The following NCAPD3 variants were observed in gnomAD, a reference collection of about 807,000 sequenced individuals.
NCAPD3 encodes condensin-2 complex subunit D3.
In NCAPD3, 105 loss-of-function variants were observed where a neutral mutation model predicts 182.9. That is an observed-to-expected ratio of 0.57 (90% confidence interval 0.49 to 0.68). The LOEUF (loss-of-function observed/expected upper bound fraction) is 0.68, where lower values mean the gene tolerates loss of function less well. NCAPD3 is among the 30% of genes least tolerant of loss of function. NCAPD3 has a pLI of 0.00. For synonymous variants in NCAPD3, 815 were observed against 679.9 expected, an observed-to-expected ratio of 1.20 and a Z score of -3.09; for missense variants, 1,944 against 1,837.0, an observed-to-expected ratio of 1.06 and a Z score of -1.07.
chr11:134,183,397 G>A (rs894479562), intron 19 of NCAPD3, among the ~76,000 whole-genome samples: 11 of 152,162 alleles, frequency 7.2e-5, no homozygotes, highest in Admixed American at 2.0e-4. Flanking sequence ...GTGAAACCCT[G>A]TCTCTACTAA....
intron 13 of NCAPD3, among the ~76,000 whole-genome samples, chr11:134,198,342 T>C (rs1449621502): frequency 6.6e-6 from 1 of 151,970 alleles, no homozygotes; most frequent in South Asian, 2.1e-4. Flanking sequence ...CAGCCAATTT[T>C]CAACAAGAAA....
At chr11:134,213,020 T>C (rs1016457403) in intron 3 of NCAPD3, among the ~76,000 whole-genome samples, 1 of 152,074 alleles carries the variant, frequency 6.6e-6, no homozygotes, top group East Asian at 1.9e-4. Context: ...AAAGCAAACA[T>C]TGTCAGAAAG....
rs1367307079 is a variant in NCAPD3, at chr11:134,184,745, G to A, written c.2343C>T (p.Val781=). Residue 781 remains valine, a synonymous_variant, in exon 19 of 35, where the codon GTC becomes GTT. Transcript: ENST00000534548. ...ACTGAAATCCATTCAGCTTACACTT[G>A]ACAGCATCTATGAAGGAAGTCAAAA... The part of the protein sequence containing the change: ...KSTRDKVTDA[V]KCKLNGFQWS... 6.2e-7 allele frequency: 1 copy of A among 1,612,808 alleles called. No homozygotes were observed. Among genetic ancestry groups the A allele is most frequent in the Non-Finnish European group, 8.5e-7 (1 of 1,179,528 alleles).
In NCAPD3 at chr11:134,161,065, A is replaced by C. The variant is rs1943564088; in HGVS notation, c.3684+716T>G. On this transcript the variant is annotated intron_variant, in intron 28 of 34. Coordinates refer to ENST00000534548, the MANE Select transcript of NCAPD3 (RefSeq NM_015261.3). ...CCTACCTTGGCTTCCTAGTATAAAA[A>C]GCTATTTGAAAATTTATATTCAATG... Among the ~76,000 whole-genome samples the C allele has an allele frequency of 5.3e-5, 8 of 152,238 alleles. No individual in the cohort carries two copies. In the South Asian group the frequency reaches 1.7e-3, roughly 32 times the overall value.
intron 28 of NCAPD3, 102 bp from the exon 29 acceptor site, chr11:134,160,176 C>G (rs548107692): frequency 2.4e-5 from 28 of 1,182,382 alleles, no homozygotes; most frequent in Non-Finnish European, 3.0e-5. Flanking sequence ...ACCTGCACAT[C>G]CTGCACGTGT....
In NCAPD3 at chr11:134,204,817, CCACA is replaced by C; in HGVS notation, c.1089+78_1089+81del. ...CACACTCATTCCCAAGAACAAATAC[CCACA>C]CTCACACACACACACACACATTTAT... On this transcript the variant is annotated intron_variant, in intron 9 of 34. Transcript: ENST00000534548. This position sits in a 1 kb window ranked among gnomAD's most constrained non-coding sequence, Gnocchi z 4.3. 8.8e-7 allele frequency: 1 copy of C among 1,141,990 alleles called. No homozygotes were observed. Among genetic ancestry groups the C allele is most frequent in the Non-Finnish European group, 1.3e-6 (1 of 785,570 alleles). 70.7% of individuals were successfully genotyped at this position (1,141,990 alleles called of 1,614,324 possible). A position where few individuals can be genotyped will look rare whatever the true frequency, so the allele number is the denominator to read the frequency against.
At position 134,202,811 on chromosome 11, in the gene NCAPD3, C is replaced by T; in HGVS notation, c.1615+5G>A. 6.3e-7 allele frequency: 1 copy of T among 1,589,816 alleles called. No homozygotes were observed. The highest frequency in any genetic ancestry group is 8.6e-7 in the Non-Finnish European group (1 of 1,166,010). Reference sequence around the variant, plus strand: ...CCTATCTGACAGTGATAAAATCTGACATACCTCCAGATCCAACTGTTTCAC... The same window carrying T: ...CCTATCTGACAGTGATAAAATCTGATATACCTCCAGATCCAACTGTTTCAC... On this transcript the variant is annotated splice_donor_5th_base_variant and intron_variant, in intron 13 of 34. Coordinates refer to ENST00000534548, the MANE Select transcript of NCAPD3 (RefSeq NM_015261.3).
At chr11:134,201,905 G>A (rs910976185) in intron 13 of NCAPD3, among the ~76,000 whole-genome samples, 2 of 152,144 alleles carry the variant, frequency 1.3e-5, no homozygotes, top group Admixed American at 6.5e-5. Flanking sequence ...CCAATTTCAC[G>A]CTGACCTTCT....
intron 27 of NCAPD3, among the ~76,000 whole-genome samples, chr11:134,162,622 G>C (rs191489057): frequency 6.6e-6 from 1 of 152,302 alleles, no homozygotes; most frequent in African/African-American, 2.4e-5. Flanking sequence ...TTTCTAAAAA[G>C]TCTTATCAGA....
intron 32 of NCAPD3, 166 bp downstream of exon 32, chr11:134,156,852 C>G (rs1395993161): frequency 1.7e-6 from 1 of 587,476 alleles, no homozygotes; most frequent in Non-Finnish European, 3.0e-6. Flanking sequence ...GCTCATGGAT[C>G]AAGCGACCGT....
intron 24 of NCAPD3, among the ~76,000 whole-genome samples, chr11:134,175,181 T>C (rs1024110370): frequency 3.3e-5 from 5 of 152,164 alleles, no homozygotes; most frequent in Non-Finnish European, 5.9e-5. Flanking sequence ...CATACACATA[T>C]AGGGGCTAAC....
At chr11:134,177,755 G>T in intron 22 of NCAPD3, 1 of 363,820 alleles carries the variant, frequency 2.7e-6, no homozygotes, top group Non-Finnish European at 5.0e-6. Context: ...CCCCTTACCT[G>T]GAAAATGATC....
chr11:134,197,579 G>A (rs1003140757), intron 13 of NCAPD3, among the ~76,000 whole-genome samples: 7 of 152,068 alleles, frequency 4.6e-5, no homozygotes, highest in African/African-American at 1.2e-4. Flanking sequence ...GCCTGGCCAC[G>A]TATTTCTTTA....
At chr11:134,160,490 G>A (rs561386273) in intron 28 of NCAPD3, among the ~76,000 whole-genome samples, 1 of 152,262 alleles carries the variant, frequency 6.6e-6, no homozygotes, top group East Asian at 1.9e-4. Context: ...GCAAGTCCCA[G>A]GATGCATGGA....
intron 13 of NCAPD3, among the ~76,000 whole-genome samples, chr11:134,195,300 T>C (rs1944605303): frequency 6.6e-6 from 1 of 152,082 alleles, no homozygotes; most frequent in Non-Finnish European, 1.5e-5. Flanking sequence ...GACCTTGCTG[T>C]GTTGCTCAGG....
intron 28 of NCAPD3, among the ~76,000 whole-genome samples, chr11:134,160,446 T>C (rs1943546115): frequency 6.6e-6 from 1 of 152,092 alleles, no homozygotes; most frequent in Non-Finnish European, 1.5e-5. Context: ...AGGTTCCCAA[T>C]GGGAGAAAGA....
intron 1 of NCAPD3, among the ~76,000 whole-genome samples, chr11:134,221,491 A>G (rs1938226353): frequency 6.6e-6 from 1 of 152,026 alleles, no homozygotes; most frequent in Non-Finnish European, 1.5e-5. Flanking sequence ...CGTCATCTAC[A>G]TTAGGTATTT....
chr11:134,225,352 C>A, upstream of NCAPD3: 2 of 1,613,060 alleles, frequency 1.2e-6, no homozygotes, highest in South Asian at 1.1e-5. Flanking sequence ...ATCGGTGAGT[C>A]GACCCCCGGG....
At position 134,220,669 on chromosome 11, in the gene NCAPD3, C is replaced by T. The variant is rs764383149; in HGVS notation, c.122G>A (p.Ser41Asn). 1.2e-5 allele frequency: 20 copies of T among 1,613,970 alleles called. No individual in the cohort carries two copies. The African/African-American group carries it at 2.3e-4, about 18-fold the overall frequency. ...DFTETEPLDP[S>N]IEAEIIETGL... is the part of the protein sequence containing the mutation. ...AGTCTCTATGATCTCTGCTTCTATG[C>T]TGGGATCCAAAGGCTCAGTCTCTGT... The change falls in exon 2 of 35, where the codon AGC (serine) becomes AAC (asparagine). Residue 41 changes from serine to asparagine, a missense_variant. By Grantham distance (46) the Ser-to-Asn change is conservative. Coordinates refer to ENST00000534548, the MANE Select transcript of NCAPD3 (RefSeq NM_015261.3).
Sources: gnomAD v4.1 joint callset for allele counts (sites outside exome capture counted in the v4.1 genomes callset) on GRCh38, gnomAD v4.1.1 for gene constraint, Gnocchi (gnomAD v3.1) non-coding constraint, MANE v1.5 for transcripts, NCBI Gene and HGNC (gene_info 2026-07-23, HGNC 2026-07-21) for gene names.